CDH19: variants seen among roughly 807,000 people sequenced by gnomAD.
CDH19 encodes cadherin 19, also known as cadherin-19.
A neutral mutation model predicts 64.2 loss-of-function variants in CDH19; 67 were observed. The observed-to-expected ratio is 1.04, with a 90% CI of 0.86 to 1.28. CDH19 has a LOEUF of 1.28. CDH19 is among the 50% of genes most tolerant of loss of function. The pLI is 0.00. For missense variants in CDH19, 1,030 were observed against 929.0 expected (o/e 1.11, Z -1.41); for synonymous variants, 346 against 319.3 (o/e 1.08, Z -0.89).
chr18:66,599,385 G>C (rs183027656), intron 1 of CDH19, among the ~76,000 whole-genome samples: 10 of 152,124 alleles, frequency 6.6e-5, no homozygotes, highest in Admixed American at 6.6e-4. Flanking sequence ...AAGTAGACTG[G>C]TATTTACAGA....
intron 1 of CDH19, among the ~76,000 whole-genome samples, chr18:66,588,466 T>C (rs1400470431): frequency 6.6e-6 from 1 of 151,794 alleles, no homozygotes; most frequent in Non-Finnish European, 1.5e-5. Flanking sequence ...TGTTTGAACT[T>C]CATAGTGGCC....
intron 1 of CDH19, among the ~76,000 whole-genome samples, chr18:66,597,037 C>G (rs1599047107): frequency 1.5e-5 from 2 of 137,114 alleles, no homozygotes; most frequent in Non-Finnish European, 1.6e-5. Context: ...AGCCGAGATC[C>G]CGCCACTGCA....
At chr18:66,601,768 G>A (rs1989042815) in intron 1 of CDH19, among the ~76,000 whole-genome samples, 1 of 151,876 alleles carries the variant, frequency 6.6e-6, no homozygotes, top group African/African-American at 2.4e-5. Context: ...CATTTTGACA[G>A]GCTTTAGAGC....
chr18:66,513,758 TA>T lies in CDH19; in HGVS notation c.1459-2074del, dbSNP rs530862800. 1.4e-4 allele frequency among the ~76,000 whole-genome samples: 21 copies of T among 151,482 alleles called. No individual in the cohort carries two copies. The East Asian group carries it at 4.1e-3, about 29-fold the overall frequency. On this transcript the variant is annotated intron_variant, in intron 9 of 11. Coordinates refer to ENST00000262150, the MANE Select transcript of CDH19 (RefSeq NM_021153.4). ...AAAGGAGTAAAGATAAATTAAAAGG[TA>T]AAAGTATATACCAAGAACAGCCATG...
chr18:66,598,007 G>A (rs552972626), intron 1 of CDH19, among the ~76,000 whole-genome samples: 3 of 152,108 alleles, frequency 2.0e-5, no homozygotes, highest in South Asian at 2.1e-4. Flanking sequence ...AAATCTGCAC[G>A]TGGTGCACAT....
rs1292026757 is a variant in CDH19 at position 66,502,093 on chromosome 18, A to G, written c.*2719T>C. 1 of 152,086 alleles carries G rather than the reference A, an allele frequency of 6.6e-6. No individual in the cohort carries two copies. The highest frequency in any genetic ancestry group is 1.5e-5 in the Non-Finnish European group (1 of 68,004). 9.4% of individuals were successfully genotyped at this position (152,086 alleles called of 1,614,324 possible). On this transcript the variant is annotated 3_prime_UTR_variant, in exon 12 of 12. Transcript: ENST00000262150. ...TTTACAAAAATAAATTCTTAATGTA[A>G]TGCCTTTTTAGTTTAAGAGCTGTGT...
intron 8 of CDH19, among the ~76,000 whole-genome samples, chr18:66,533,540 C>T (rs981121333): frequency 6.6e-6 from 1 of 151,778 alleles, no homozygotes; most frequent in Non-Finnish European, 1.5e-5. Context: ...CTTTGTGTTC[C>T]TAAACTTTGC....
chr18:66,572,884 T>C (rs1206804671), intron 1 of CDH19, among the ~76,000 whole-genome samples: 1 of 151,702 alleles, frequency 6.6e-6, no homozygotes, highest in Admixed American at 6.6e-5. Flanking sequence ...ATAAGATATT[T>C]ACTCTTTTTT....
intron 1 of CDH19, among the ~76,000 whole-genome samples, chr18:66,574,255 A>T (rs1020732269): frequency 4.0e-5 from 6 of 151,650 alleles, no homozygotes; most frequent in African/African-American, 1.5e-4. Flanking sequence ...TTTTTTATAA[A>T]TGTTTAGGGG....
chr18:66,545,720 C>A (rs1987088926), intron 5 of CDH19, among the ~76,000 whole-genome samples: 2 of 152,058 alleles, frequency 1.3e-5, no homozygotes, highest in African/African-American at 4.8e-5. Context: ...GTGGGAGAGT[C>A]TGCATGCAAA....
At chr18:66,551,789 A>C (rs1987354256) in intron 4 of CDH19, among the ~76,000 whole-genome samples, 1 of 151,984 alleles carries the variant, frequency 6.6e-6, no homozygotes, top group Non-Finnish European at 1.5e-5. Context: ...AACTCAAGAT[A>C]ATTAATGATA....
intron 9 of CDH19, among the ~76,000 whole-genome samples, chr18:66,517,131 T>A (rs1040242420): frequency 6.6e-6 from 1 of 151,984 alleles, no homozygotes; most frequent in African/African-American, 2.4e-5. Context: ...GAGATACAGT[T>A]ATTTGGATAT....
At chr18:66,583,443 C>G (rs978347703) in intron 1 of CDH19, among the ~76,000 whole-genome samples, 1 of 152,030 alleles carries the variant, frequency 6.6e-6, no homozygotes, top group Non-Finnish European at 1.5e-5. Flanking sequence ...TACTCAGGTA[C>G]TACGCCTAGT....
intron 1 of CDH19, among the ~76,000 whole-genome samples, chr18:66,597,315 C>T (rs547214529): frequency 5.2e-4 from 79 of 152,024 alleles, no homozygotes; most frequent in Non-Finnish European, 1.0e-3. Flanking sequence ...ATATCCACAA[C>T]CATCTGATCT....
intron 3 of CDH19, among the ~76,000 whole-genome samples, chr18:66,566,030 G>C (rs1487668978): frequency 4.0e-5 from 6 of 151,874 alleles, no homozygotes; most frequent in Non-Finnish European, 7.4e-5. Flanking sequence ...CAATCTCTCT[G>C]AACATCTACA....
intron 9 of CDH19, among the ~76,000 whole-genome samples, chr18:66,516,787 A>G (rs1598971834): frequency 6.6e-6 from 1 of 152,086 alleles, no homozygotes; most frequent in East Asian, 1.9e-4. Context: ...AAGAGAAGAT[A>G]GGTCCCTTAG....
intron 9 of CDH19, among the ~76,000 whole-genome samples, chr18:66,519,041 C>T (rs755272173): frequency 2.6e-5 from 4 of 152,126 alleles, no homozygotes; most frequent in Non-Finnish European, 5.9e-5. Flanking sequence ...AAATCAACCT[C>T]TATAACACAT....
intron 9 of CDH19, among the ~76,000 whole-genome samples, chr18:66,516,237 G>C (rs558558466): frequency 3.9e-5 from 6 of 151,992 alleles, no homozygotes; most frequent in African/African-American, 1.4e-4. Flanking sequence ...TCCAGGCAAA[G>C]GACTGCATTT....
chr18:66,554,851 GTAT>G (rs1987462688), intron 3 of CDH19, among the ~76,000 whole-genome samples: 2 of 151,826 alleles, frequency 1.3e-5, no homozygotes, highest in African/African-American at 2.4e-5. Context: ...TTTCCAAGGT[GTAT>G]TATTAGTGGA....
Sources: gnomAD v4.1 joint callset for allele counts (sites outside exome capture counted in the v4.1 genomes callset) on GRCh38, gnomAD v4.1.1 for gene constraint, MANE v1.5 for transcripts, NCBI Gene and HGNC (gene_info 2026-07-23, HGNC 2026-07-21) for gene names.